The following CSMD1 variants were observed in gnomAD, a reference collection of about 807,000 sequenced individuals.
The protein encoded by CSMD1 is CUB and Sushi multiple domains 1.
A neutral mutation model predicts 417.5 loss-of-function variants in CSMD1; 213 were observed. That is an observed-to-expected ratio of 0.51 (90% confidence interval 0.46 to 0.57). The LOEUF is 0.57. Among genes scored for constraint, CSMD1 ranks in the 20% least tolerant of loss-of-function variants. The pLI, the probability that CSMD1 is intolerant of heterozygous loss-of-function variation, is 0.00. For synonymous variants in CSMD1, 2,862 were observed against 1,736.8 expected, an observed-to-expected ratio of 1.65 and a Z score of -16.11; for missense variants, 6,923 against 4,529.7, an observed-to-expected ratio of 1.53 and a Z score of -15.17.
intron 3 of CSMD1, among the ~76,000 whole-genome samples, chr8:4,145,135 T>A (rs1804032108): frequency 6.6e-6 from 1 of 151,182 alleles, no homozygotes; most frequent in Non-Finnish European, 1.5e-5. Flanking sequence ...GATATAATAG[T>A]TTAGACACAT....
At chr8:3,014,549 T>C (rs1808676380) in intron 52 of CSMD1, among the ~76,000 whole-genome samples, 1 of 152,168 alleles carries the variant, frequency 6.6e-6, no homozygotes, top group Admixed American at 6.5e-5. Context: ...TCGGATGAAA[T>C]TCTCCTGGGC....
Position 3,997,902 on chromosome 8 carries a change from C to A in CSMD1, c.818+1G>T. The A allele has an allele frequency of 6.2e-7, 1 of 1,610,914 alleles. No individual in the cohort carries two copies. Among genetic ancestry groups the A allele is most frequent in the Non-Finnish European group, 8.5e-7 (1 of 1,178,478 alleles). The stretch of plus-strand genomic sequence containing the variant: ...TTGTGGCATCTCTTCCCGGGACTTA[C>A]CATATGGATGGAGCTTCCGTGCCAC... On this transcript the variant is annotated splice_donor_variant, in intron 5 of 69. Transcript: ENST00000635120. LOFTEE classifies it high-confidence loss of function.
chr8:4,973,599 G>T (rs115649414), intron 1 of CSMD1, among the ~76,000 whole-genome samples: 34 of 152,236 alleles, frequency 2.2e-4, no homozygotes, highest in African/African-American at 6.3e-4. Flanking sequence ...TTGACTTAAA[G>T]TGTTCTCTAA....
At chr8:4,388,241 C>G (rs566632023) in intron 3 of CSMD1, among the ~76,000 whole-genome samples, 1 of 151,618 alleles carries the variant, frequency 6.6e-6, no homozygotes, top group Non-Finnish European at 1.5e-5. Context: ...GTGGAATTCA[C>G]AATTGCAAAA....
chr8:3,506,331 G>C (rs866490978), intron 10 of CSMD1, among the ~76,000 whole-genome samples: 13 of 152,180 alleles, frequency 8.5e-5, no homozygotes, highest in Admixed American at 7.2e-4. Context: ...CATCCAAAGA[G>C]ACAAGGAGGC....
At chr8:3,188,692 TAGAAATATTTTGTTGAAATACTA>T (rs1386735370) in intron 35 of CSMD1, among the ~76,000 whole-genome samples, 172 bp downstream of exon 35, 44 of 152,056 alleles carry the variant, frequency 2.9e-4, no homozygotes, top group African/African-American at 7.2e-4. Flanking sequence ...GAAAAATGGT[TAGAAATATTTTGTTGAAATACTA>T]AGAAAAGGGA....
chr8:4,348,043 A>G (rs185925473), intron 3 of CSMD1, among the ~76,000 whole-genome samples: 4 of 152,298 alleles, frequency 2.6e-5, no homozygotes, highest in African/African-American at 7.2e-5. Context: ...CAGATTAGTT[A>G]CAACATACTC....
intron 3 of CSMD1, among the ~76,000 whole-genome samples, chr8:4,277,909 G>C (rs558518188): frequency 6.6e-6 from 1 of 151,746 alleles, no homozygotes; most frequent in East Asian, 1.9e-4. Context: ...CACCATCCCC[G>C]GCTAATTTTT....
chr8:3,048,710 C>T (rs1413086692), intron 50 of CSMD1, among the ~76,000 whole-genome samples: 2 of 151,554 alleles, frequency 1.3e-5, no homozygotes, highest in East Asian at 1.9e-4. Context: ...AGGCAGGATG[C>T]ATTTTAAAAA....
chr8:3,670,607 T>C (rs1302678649), intron 7 of CSMD1, among the ~76,000 whole-genome samples: 2 of 148,260 alleles, frequency 1.3e-5, no homozygotes, highest in East Asian at 3.9e-4. Flanking sequence ...ATATTGCACA[T>C]ATATATGGGG....
At chr8:3,450,991 T>G (rs1005069410) in intron 12 of CSMD1, among the ~76,000 whole-genome samples, 4 of 152,200 alleles carry the variant, frequency 2.6e-5, no homozygotes, top group African/African-American at 9.6e-5. Context: ...TTCCTGACTT[T>G]CTAATGACTG....
At chr8:3,526,801 G>C (rs532331293) in intron 10 of CSMD1, among the ~76,000 whole-genome samples, 1 of 152,254 alleles carries the variant, frequency 6.6e-6, no homozygotes, top group Non-Finnish European at 1.5e-5. Context: ...AGCAGACGAC[G>C]CTGGTTATGT....
chr8:3,462,092 C>T (rs1057188114), intron 12 of CSMD1, among the ~76,000 whole-genome samples: 1 of 147,672 alleles, frequency 6.8e-6, no homozygotes, highest in Non-Finnish European at 1.5e-5. Flanking sequence ...ATCCCAAGGG[C>T]ACCATTTGGG....
chr8:3,278,188 T>C (rs910979517), intron 26 of CSMD1, among the ~76,000 whole-genome samples: 1 of 151,378 alleles, frequency 6.6e-6, no homozygotes, highest in Non-Finnish European at 1.5e-5. Flanking sequence ...GAAGAAAGAG[T>C]TTCCAGAAGA....
intron 2 of CSMD1, among the ~76,000 whole-genome samples, chr8:4,424,193 G>C (rs1416707349): frequency 6.6e-6 from 1 of 151,874 alleles, no homozygotes; most frequent in Non-Finnish European, 1.5e-5. Context: ...TTAATAAATT[G>C]GATTTCATAA....
chr8:4,165,651 C>G (rs970600846), intron 3 of CSMD1, among the ~76,000 whole-genome samples: 1 of 152,166 alleles, frequency 6.6e-6, no homozygotes, highest in East Asian at 1.9e-4. Flanking sequence ...GATCATTGAA[C>G]CTTGGCCTCC....
chr8:4,981,657 C>T (rs1016361599), intron 1 of CSMD1, among the ~76,000 whole-genome samples: 1 of 152,082 alleles, frequency 6.6e-6, no homozygotes, highest in Non-Finnish European at 1.5e-5. Context: ...TTTTATATTA[C>T]TTTTCTAGAA....
At chr8:4,583,365 G>T (rs1190510792) in intron 2 of CSMD1, among the ~76,000 whole-genome samples, 1 of 152,084 alleles carries the variant, frequency 6.6e-6, no homozygotes, top group Non-Finnish European at 1.5e-5. Flanking sequence ...TCGGCATTCT[G>T]TATCTAGCTC....
chr8:4,698,918 A>G (rs1397706225), intron 1 of CSMD1, among the ~76,000 whole-genome samples: 1 of 151,598 alleles, frequency 6.6e-6, no homozygotes, highest in Non-Finnish European at 1.5e-5. Flanking sequence ...ACACACACAC[A>G]CACACACACA....
Sources: gnomAD v4.1 joint callset for allele counts (sites outside exome capture counted in the v4.1 genomes callset) on GRCh38, gnomAD v4.1.1 for gene constraint, MANE v1.5 for transcripts, NCBI Gene and HGNC (gene_info 2026-07-23, HGNC 2026-07-21) for gene names.